Variants in FSIP1 observed in about 807,000 individuals in gnomAD.
The protein encoded by FSIP1 is fibrous sheath interacting protein 1, also known as fibrous sheath-interacting protein 1.
In FSIP1, 65 loss-of-function variants were observed where a neutral mutation model predicts 60.9. The ratio of observed to expected loss-of-function variants is 1.07; its 90% CI spans 0.87 to 1.31. FSIP1 has a LOEUF of 1.31. Ranked by LOEUF, FSIP1 falls within the 40% of genes most tolerant of loss-of-function variation. The pLI is 0.00. For missense variants in FSIP1, 675 were observed against 665.5 expected, an observed-to-expected ratio of 1.01 and a Z score of -0.16; for synonymous variants, 209 against 221.2, an observed-to-expected ratio of 0.94 and a Z score of 0.49.
intron 11 of FSIP1, among the ~76,000 whole-genome samples, chr15:39,609,490 G>T (rs751959618): frequency 6.6e-6 from 1 of 151,602 alleles, no homozygotes; most frequent in Non-Finnish European, 1.5e-5. Flanking sequence ...GCAGGTCAAT[G>T]AATGAATATC....
intron 5 of FSIP1, among the ~76,000 whole-genome samples, chr15:39,744,682 A>G (rs1896925983): frequency 6.9e-6 from 1 of 145,860 alleles, no homozygotes; most frequent in Admixed American, 6.8e-5. Flanking sequence ...GCTGCAGACA[A>G]GCAAAGGCAG....
chr15:39,706,662 T>C (rs75765484), intron 10 of FSIP1, among the ~76,000 whole-genome samples: 2,366 of 152,286 alleles, frequency 0.016, 53 homozygotes, highest in African/African-American at 0.054. Flanking sequence ...AATATAAAAA[T>C]CACCCATAAT....
intron 11 of FSIP1, among the ~76,000 whole-genome samples, chr15:39,604,021 T>C (rs1890735355): frequency 6.6e-6 from 1 of 152,156 alleles, no homozygotes; most frequent in Non-Finnish European, 1.5e-5. Flanking sequence ...AACCTCCACC[T>C]CCCGAGTTCA....
At chr15:39,712,969 C>A (rs1007746504) in intron 10 of FSIP1, among the ~76,000 whole-genome samples, 1 of 151,940 alleles carries the variant, frequency 6.6e-6, no homozygotes, top group Admixed American at 6.6e-5. Context: ...AATTTTTCCA[C>A]GAAAAACAAA....
chr15:39,758,204 C>A (rs1170466322), intron 5 of FSIP1, among the ~76,000 whole-genome samples: 1 of 152,020 alleles, frequency 6.6e-6, no homozygotes, highest in African/African-American at 2.4e-5. Context: ...ACATATTTGA[C>A]AGTTTTGATT....
chr15:39,761,701 T>C (rs1891708147), intron 5 of FSIP1, among the ~76,000 whole-genome samples: 1 of 152,222 alleles, frequency 6.6e-6, no homozygotes. Flanking sequence ...CATTTCAAAA[T>C]TGCTAAGAGG....
At chr15:39,728,438 A>G (rs191092321) in intron 8 of FSIP1, among the ~76,000 whole-genome samples, 40 of 152,324 alleles carry the variant, frequency 2.6e-4, no homozygotes, top group Non-Finnish European at 4.3e-4. Flanking sequence ...ACAAAAACAG[A>G]CACATAGACC....
chr15:39,654,395 A>G (rs1191516323), intron 10 of FSIP1, among the ~76,000 whole-genome samples: 2 of 152,232 alleles, frequency 1.3e-5, no homozygotes, highest in East Asian at 3.8e-4. Context: ...ACTAGGTGAT[A>G]GAAACTTTTC....
At chr15:39,614,402 G>C (rs1031893973) in intron 11 of FSIP1, among the ~76,000 whole-genome samples, 5 of 152,100 alleles carry the variant, frequency 3.3e-5, no homozygotes, top group African/African-American at 1.2e-4. Context: ...ACTGATGAAA[G>C]AAAGTGAAGA....
chr15:39,667,753 T>G (rs896692030), intron 10 of FSIP1, among the ~76,000 whole-genome samples: 1 of 152,130 alleles, frequency 6.6e-6, no homozygotes, highest in African/African-American at 2.4e-5. Flanking sequence ...AAGTGGAAGT[T>G]AACCAGGCAT....
At chr15:39,727,719 G>T (rs1303240657) in intron 8 of FSIP1, among the ~76,000 whole-genome samples, 1 of 152,012 alleles carries the variant, frequency 6.6e-6, no homozygotes, top group African/African-American at 2.4e-5. Context: ...TAAAGAATAA[G>T]TTCCTCAAGA....
intron 5 of FSIP1, among the ~76,000 whole-genome samples, chr15:39,749,622 T>A (rs1441869129): frequency 1.3e-5 from 2 of 152,086 alleles, no homozygotes; most frequent in African/African-American, 2.4e-5. Flanking sequence ...TTCAACATCC[T>A]TTCTTGATAA....
rs566645855 is a variant in FSIP1 at position 39,721,612 on chromosome 15, G to A, written c.1050+4977C>T. 2.0e-5 allele frequency among the ~76,000 whole-genome samples: 3 copies of A among 152,270 alleles called. No homozygotes were observed. The South Asian group carries it at 6.2e-4, about 32-fold the overall frequency. The stretch of plus-strand genomic sequence containing the variant: ...TACAGTGTCTCCTATGAAATAAGCA[G>A]GCATTCAAAAATGTATTGACGATCT... On this transcript the variant is annotated intron_variant, in intron 9 of 11. Transcript: ENST00000350221.
intron 10 of FSIP1, among the ~76,000 whole-genome samples, chr15:39,624,990 G>A (rs766576995): frequency 2.0e-5 from 3 of 152,186 alleles, no homozygotes; most frequent in Non-Finnish European, 2.9e-5. Context: ...AGTAGGTCAC[G>A]GCAAACAGCT....
chr15:39,705,325 A>T (rs867271057), intron 10 of FSIP1, among the ~76,000 whole-genome samples: 10 of 151,896 alleles, frequency 6.6e-5, no homozygotes, highest in Non-Finnish European at 1.2e-4. Flanking sequence ...TTTATTTTTT[A>T]AAAAAAACAA....
intron 5 of FSIP1, chr15:39,747,497 T>C (rs907234695): frequency 1.3e-5 from 2 of 152,172 alleles, no homozygotes; most frequent in Admixed American, 6.5e-5. Flanking sequence ...TAATCCTGGA[T>C]TGTACATTGT....
intron 10 of FSIP1, among the ~76,000 whole-genome samples, chr15:39,640,337 A>C (rs1338622748): frequency 5.9e-5 from 9 of 152,208 alleles, no homozygotes; most frequent in Admixed American, 1.3e-4. Context: ...CTCCAGAGAC[A>C]TCATTTTCTC....
intron 10 of FSIP1, among the ~76,000 whole-genome samples, chr15:39,661,961 T>A (rs1231198184): frequency 6.6e-6 from 1 of 152,170 alleles, no homozygotes; most frequent in Non-Finnish European, 1.5e-5. Flanking sequence ...GTTATATTCT[T>A]GGACAGGCCA....
chr15:39,711,676 CTT>C (rs66840718), intron 10 of FSIP1, among the ~76,000 whole-genome samples: 9 of 85,728 alleles, frequency 1.0e-4, no homozygotes, highest in Admixed American at 1.9e-4. Flanking sequence ...ATTCCTACTT[CTT>C]TTTTTTTTTT....
Sources: gnomAD v4.1 joint callset for allele counts (sites outside exome capture counted in the v4.1 genomes callset) on GRCh38, gnomAD v4.1.1 for gene constraint, MANE v1.5 for transcripts, NCBI Gene and HGNC (gene_info 2026-07-23, HGNC 2026-07-21) for gene names.